The following ITPR1 variants were observed in gnomAD, a reference collection of about 807,000 sequenced individuals.
ITPR1 encodes the protein inositol 1,4,5-trisphosphate-gated calcium channel ITPR1.
A neutral mutation model predicts 318.4 loss-of-function variants in ITPR1; 96 were observed. The ratio of observed to expected loss-of-function variants is 0.30; its 90% CI spans 0.26 to 0.36. The LOEUF (loss-of-function observed/expected upper bound fraction) is 0.36. Ranked by LOEUF, ITPR1 falls within the 10% of genes least tolerant of loss-of-function variation. ITPR1 has a pLI of 1.00. For synonymous variants in ITPR1, 1,312 were observed against 1,289.9 expected, an observed-to-expected ratio of 1.02 and a Z score of -0.37; for missense variants, 2,440 against 3,460.2, an observed-to-expected ratio of 0.71 and a Z score of 7.40.
At chr3:4,709,313 A>G (rs2094822510) in intron 37 of ITPR1, among the ~76,000 whole-genome samples, 1 of 152,240 alleles carries the variant, frequency 6.6e-6, no homozygotes, top group Admixed American at 6.5e-5. Flanking sequence ...ATCTTTATGC[A>G]TCTTAAACCT....
chr3:4,702,414 T>G (rs914581017), intron 35 of ITPR1, among the ~76,000 whole-genome samples: 1 of 152,160 alleles, frequency 6.6e-6, no homozygotes, highest in African/African-American at 2.4e-5. Flanking sequence ...GGAAGGAACT[T>G]TGGGGTCAGT....
At chr3:4,632,168 T>C (rs949695425) in intron 5 of ITPR1, among the ~76,000 whole-genome samples, 1 of 152,182 alleles carries the variant, frequency 6.6e-6, no homozygotes, top group Non-Finnish European at 1.5e-5. Context: ...TCTAGTTGAA[T>C]AGGTGGGGAA....
At position 4,688,490 on chromosome 3, in the gene ITPR1, C is replaced by T; in HGVS notation, c.3703-5C>T. On this transcript the variant is annotated splice_polypyrimidine_tract_variant and splice_region_variant and intron_variant, in intron 30 of 61. Coordinates refer to ENST00000649015, the MANE Select transcript of ITPR1 (RefSeq NM_001378452.1). ...CAGTGCTTTCATCTGTCTCCTCCCA[C>T]ACAGGCCGAAGATACCAAGATGCAA... is the stretch of plus-strand genomic sequence containing the variant. The T allele has an allele frequency of 6.2e-7, 1 of 1,613,898 alleles. No individual in the cohort carries two copies. Among genetic ancestry groups the T allele is most frequent in the South Asian group, 1.1e-5 (1 of 91,066 alleles).
chr3:4,784,018 T>C, intron 51 of ITPR1, 98 bp downstream of exon 51: 2 of 818,522 alleles, frequency 2.4e-6, no homozygotes, highest in East Asian at 2.7e-5. Flanking sequence ...ATCTGAGCAA[T>C]GGAAATGTGA....
chr3:4,832,034 T>C (rs1290220014), intron 60 of ITPR1, among the ~76,000 whole-genome samples: 1 of 152,218 alleles, frequency 6.6e-6, no homozygotes, highest in Non-Finnish European at 1.5e-5. Flanking sequence ...TGCTAATTAA[T>C]TTTAACTACC....
intron 30 of ITPR1, 94 bp downstream of exon 30, chr3:4,685,300 A>C: frequency 7.9e-7 from 1 of 1,265,912 alleles, no homozygotes; most frequent in Non-Finnish European, 1.1e-6. Flanking sequence ...GTTAGTGAAG[A>C]AATGCATCCA....
At chr3:4,527,840 A>G (rs909648948) in intron 4 of ITPR1, among the ~76,000 whole-genome samples, 12 of 152,152 alleles carry the variant, frequency 7.9e-5, no homozygotes, top group African/African-American at 2.7e-4. Context: ...GAGTGCTGGC[A>G]CCATGTTAGC....
chr3:4,824,097 C>T (rs1024472456), intron 60 of ITPR1, among the ~76,000 whole-genome samples: 9 of 152,176 alleles, frequency 5.9e-5, no homozygotes, highest in African/African-American at 2.2e-4. Context: ...ACAGCATATT[C>T]GTCGACTAAC....
intron 39 of ITPR1, 43 bp downstream of exon 39, chr3:4,711,911 A>T (rs367839028): frequency 1.8e-4 from 185 of 1,051,788 alleles, no homozygotes; most frequent in Non-Finnish European, 1.9e-4. Context: ...TTTTACTATG[A>T]AACTGAAGGG....
chr3:4,508,868 T>C (rs1347995022), intron 2 of ITPR1, among the ~76,000 whole-genome samples: 1 of 152,182 alleles, frequency 6.6e-6, no homozygotes, highest in African/African-American at 2.4e-5. Context: ...ACTTTGGAGA[T>C]GCTGTCCAAG....
chr3:4,658,093 G>A (rs779130135), intron 12 of ITPR1, 31 bp from the exon 13 acceptor site: 1 of 1,580,766 alleles, frequency 6.3e-7, no homozygotes, highest in South Asian at 1.1e-5. Context: ...TGGCATGCAT[G>A]GTTCTTGATT....
At chr3:4,508,521 TA>T (rs2081560011) in intron 2 of ITPR1, among the ~76,000 whole-genome samples, 1 of 148,288 alleles carries the variant, frequency 6.7e-6, no homozygotes, top group Non-Finnish European at 1.5e-5. Flanking sequence ...GGAGAACTAA[TA>T]GATGGAAAAA....
At chr3:4,592,981 G>T (rs879438633) in intron 4 of ITPR1, among the ~76,000 whole-genome samples, 1 of 152,212 alleles carries the variant, frequency 6.6e-6, no homozygotes, top group African/African-American at 2.4e-5. Context: ...AGACCAACTG[G>T]CTTCTCTGGT....
rs2051868273 is a variant in ITPR1 at position 4,847,411 on chromosome 3, A to AC, written c.*1186_*1187insC. 1 of 151,378 alleles carries AC rather than the reference A, an allele frequency of 6.6e-6. No homozygotes were observed. The highest frequency in any genetic ancestry group is 1.5e-5 in the Non-Finnish European group (1 of 67,832). The allele number at this position is 151,378 out of a possible 1,614,324, so 9.4% of individuals were successfully genotyped here. ...ATCTCTCTGCAAAAAAAAAAAAAAC[A>AC]GTTTAAAAATGCATTGAAAGCAGAG... On this transcript the variant is annotated 3_prime_UTR_variant, in exon 62 of 62. Transcript: ENST00000649015.
intron 4 of ITPR1, among the ~76,000 whole-genome samples, chr3:4,533,084 C>T (rs1265494436): frequency 6.6e-6 from 1 of 152,000 alleles, no homozygotes; most frequent in African/African-American, 2.4e-5. Context: ...TGGTTGGGAG[C>T]GTTGGGTCAA....
Position 4,669,782 on chromosome 3 carries a change from GGA to G in ITPR1, c.2006+11_2006+12del. 1 of 1,603,670 alleles carries G rather than the reference GGA, an allele frequency of 6.2e-7. No homozygotes were observed. ...ATCCTGATTGAGACCAAGTGAGTGG[GGA>G]GCCAGGGTTTAGATGGAAAACATGG... is the stretch of plus-strand genomic sequence containing the variant. On this transcript the variant is annotated intron_variant, in intron 19 of 61. Coordinates refer to ENST00000649015, the MANE Select transcript of ITPR1 (RefSeq NM_001378452.1).
intron 56 of ITPR1, chr3:4,812,920 C>T (rs966192950): frequency 3.6e-5 from 20 of 559,124 alleles, no homozygotes; most frequent in Non-Finnish European, 4.8e-5. Context: ...TATTTAAGTG[C>T]GATATTTCTA....
chr3:4,744,898 C>CTCCTTCCT (rs199767679), intron 44 of ITPR1, among the ~76,000 whole-genome samples: 28 of 124,918 alleles, frequency 2.2e-4, no homozygotes, highest in African/African-American at 2.9e-4. Flanking sequence ...GTCTCCCTCC[C>CTCCTTCCT]TCCTTCCTTC....
In ITPR1 at chr3:4,800,519, G is replaced by T; in HGVS notation, c.7026G>T (p.Arg2342=). The T allele has an allele frequency of 1.2e-6, 2 of 1,613,936 alleles. No homozygotes were observed. Among genetic ancestry groups the T allele is most frequent in the East Asian group, 4.5e-5 (2 of 44,884 alleles). The change falls in exon 54 of 62, where the codon CGG becomes CGT. Residue 2342 remains arginine, a synonymous_variant. Transcript: ENST00000649015. The stretch of plus-strand genomic sequence containing the variant: ...CCCTCCCCAAGCCCCATGGCATCCG[G>T]GCCTTAATTGCCTCCACAATTCTAC... The part of the protein sequence containing the change: ...VIALPKPHGI[R]ALIASTILRL...
Sources: gnomAD v4.1 joint callset for allele counts (sites outside exome capture counted in the v4.1 genomes callset) on GRCh38, gnomAD v4.1.1 for gene constraint, MANE v1.5 for transcripts, NCBI Gene and HGNC (gene_info 2026-07-23, HGNC 2026-07-21) for gene names.